FAM178B: variants seen among roughly 807,000 people sequenced by gnomAD.
FAM178B encodes protein FAM178B.
FAM178B carries 82 observed loss-of-function variants against 91.7 expected under a neutral mutation model. That is an observed-to-expected ratio of 0.89 (90% CI 0.75 to 1.07). FAM178B has a LOEUF of 1.07. Among genes scored for constraint, FAM178B ranks in the 50% least tolerant of loss-of-function variants. The pLI is 0.00. For synonymous variants in FAM178B, 368 were observed against 359.4 expected (o/e 1.02, Z -0.27); for missense variants, 769 against 846.7 (o/e 0.91, Z 1.14).
chr2:96,916,005 T>A (rs982730368), intron 12 of FAM178B, among the ~76,000 whole-genome samples: 1 of 152,164 alleles, frequency 6.6e-6, no homozygotes, highest in Non-Finnish European at 1.5e-5. Flanking sequence ...TGACATCATT[T>A]TTAGGTACCA....
At chr2:96,893,685 C>G (rs2080736629) in intron 14 of FAM178B, among the ~76,000 whole-genome samples, 1 of 152,090 alleles carries the variant, frequency 6.6e-6, no homozygotes, top group Admixed American at 6.5e-5. Flanking sequence ...GACATTTGGC[C>G]CCTACACCTG....
chr2:96,905,659 G>A (rs1168534928), intron 12 of FAM178B, among the ~76,000 whole-genome samples: 2 of 149,638 alleles, frequency 1.3e-5, no homozygotes, highest in South Asian at 2.1e-4. Context: ...CAGTTAAGTC[G>A]GGTGCGGTGG....
Position 96,951,492 on chromosome 2 carries a change from G to T in FAM178B, c.888-8C>A, listed in dbSNP as rs879473217. 1.9e-5 allele frequency: 29 copies of T among 1,549,462 alleles called. No individual in the cohort carries two copies. The Admixed American group carries it at 5.5e-4, about 29-fold the overall frequency. ...TGTTGGGCTGGCGGGGAGCTGGGAG[G>T]CAGAGGGCTGAGGTTAGGGGAGGCC... On this transcript the variant is annotated splice_region_variant and splice_polypyrimidine_tract_variant and intron_variant, in intron 6 of 16. Transcript: ENST00000490605.
At chr2:96,882,214 G>A (rs2153367410) in intron 14 of FAM178B, among the ~76,000 whole-genome samples, 2 of 152,320 alleles carry the variant, frequency 1.3e-5, no homozygotes, top group African/African-American at 4.8e-5. Flanking sequence ...CTCTCTCTGT[G>A]TGAAGGTCAG....
chr2:96,981,059 G>C (rs1298892980), intron 1 of FAM178B, among the ~76,000 whole-genome samples: 1 of 151,916 alleles, frequency 6.6e-6, no homozygotes, highest in Non-Finnish European at 1.5e-5. Flanking sequence ...GCAACCTCCC[G>C]GGTCCAAGTG....
At chr2:96,954,137 G>T (rs1559094350) in intron 6 of FAM178B, among the ~76,000 whole-genome samples, 1 of 152,214 alleles carries the variant, frequency 6.6e-6, no homozygotes, top group Non-Finnish European at 1.5e-5. Flanking sequence ...CCTGGAGGGA[G>T]AGACAGAGGG....
intron 12 of FAM178B, among the ~76,000 whole-genome samples, chr2:96,910,781 G>T (rs1238067720): frequency 1.3e-5 from 2 of 151,484 alleles, no homozygotes; most frequent in Non-Finnish European, 2.9e-5. Context: ...GCCCACCTGA[G>T]ACATCTCTCT....
At chr2:96,977,878 G>C in intron 1 of FAM178B, 1 of 432,070 alleles carries the variant, frequency 2.3e-6, no homozygotes, top group South Asian at 1.6e-5. Context: ...TGCTTCTCAA[G>C]ATCACGAAGC....
At chr2:96,953,008 A>G (rs1158305288) in intron 6 of FAM178B, among the ~76,000 whole-genome samples, 2 of 152,190 alleles carry the variant, frequency 1.3e-5, no homozygotes, top group Non-Finnish European at 2.9e-5. Context: ...TACAAAACAA[A>G]GATTATCCTC....
intron 5 of FAM178B, among the ~76,000 whole-genome samples, chr2:96,963,686 G>A (rs1054143485): frequency 3.9e-5 from 6 of 152,210 alleles, no homozygotes; most frequent in South Asian, 2.1e-4. Context: ...CCTGCAGGCC[G>A]AGTCCTGTGT....
In FAM178B at chr2:96,876,216, C is replaced by T. The variant is rs2080237487; in HGVS notation, c.*60G>A. 2 of 1,556,842 alleles carry T rather than the reference C, an allele frequency of 1.3e-6. No individual in the cohort carries two copies. Among genetic ancestry groups the T allele is most frequent in the Non-Finnish European group, 1.8e-6 (2 of 1,139,738 alleles). On this transcript the variant is annotated 3_prime_UTR_variant, in exon 17 of 17. Coordinates refer to ENST00000490605, the MANE Select transcript of FAM178B (RefSeq NM_001122646.3). ...CTTGATGCTTCGCTTCCTCCAGTTC[C>T]CTGAGCCTGTTCACTTCCTGCTGAA...
Position 96,972,063 on chromosome 2 carries a change from C to T in FAM178B, c.402G>A (p.Trp134Ter). 1 of 1,547,314 alleles carries T rather than the reference C, an allele frequency of 6.5e-7. No homozygotes were observed. The highest frequency in any genetic ancestry group is 8.7e-7 in the Non-Finnish European group (1 of 1,145,308). Residue 134 changes from tryptophan (W) to a stop codon, truncating the protein, a stop_gained, in exon 3 of 17, where the codon TGG becomes TGA. Transcript: ENST00000490605. LOFTEE classifies it high-confidence loss of function. ...GGCCCTGGGGGCCCACCACACCCAC[C>T]CACCTCTGGGCCGGGGCCTCCCGAC... ...QASREAPAQRWVGVVGPQGLR... is the reference protein window; with the variant it reads ...QASREAPAQR
At chr2:96,906,200 CTTTCTTTTTT>C (rs1456833657) in intron 12 of FAM178B, among the ~76,000 whole-genome samples, 2 of 143,502 alleles carry the variant, frequency 1.4e-5, no homozygotes, top group African/African-American at 5.1e-5. Flanking sequence ...TTTTCTTTTT[CTTTCTTTTTT>C]TTTTTTTTTG....
At chr2:96,903,865 T>TG in intron 12 of FAM178B, among the ~76,000 whole-genome samples, 1 of 152,312 alleles carries the variant, frequency 6.6e-6, no homozygotes, top group Non-Finnish European at 1.5e-5. Flanking sequence ...TCTAAAATCC[T>TG]GGGGCACTTT....
intron 1 of FAM178B, among the ~76,000 whole-genome samples, chr2:96,978,715 C>T (rs1459868063): frequency 1.3e-5 from 2 of 151,584 alleles, no homozygotes; most frequent in Admixed American, 6.6e-5. Flanking sequence ...AGCTCTGCCT[C>T]CCAGGTTCAC....
chr2:96,892,976 A>C (rs1211092098), intron 14 of FAM178B, among the ~76,000 whole-genome samples: 1 of 152,132 alleles, frequency 6.6e-6, no homozygotes, highest in African/African-American at 2.4e-5. Flanking sequence ...CTGAAAGACA[A>C]CCTTCCCCAC....
At position 96,972,211 on chromosome 2, in the gene FAM178B, G is replaced by A; in HGVS notation, c.254C>T (p.Pro85Leu). 6.5e-7 allele frequency: 1 copy of A among 1,543,550 alleles called. No homozygotes were observed. The highest frequency in any genetic ancestry group is 8.7e-7 in the Non-Finnish European group (1 of 1,143,666). ...CGATGTGGGAGCTGGAGCCGAGGCA[G>A]GGCTGCAGGGCCGCCGGGCAGGGCA... ...PRCPARRPCS[P>L]ASAPAPTSPK... The change falls in exon 3 of 17, where the codon CCT becomes CTT. Residue 85 changes from proline (P) to leucine (L), a missense_variant. Coordinates refer to ENST00000490605, the MANE Select transcript of FAM178B (RefSeq NM_001122646.3).
intron 5 of FAM178B, 83 bp from the exon 6 acceptor site, chr2:96,960,523 GA>G: frequency 1.4e-6 from 2 of 1,426,758 alleles, no homozygotes; most frequent in Non-Finnish European, 1.9e-6. Context: ...GGGAAGGATA[GA>G]GGGGGGCCAC....
At chr2:96,909,462 C>T (rs1323653576) in intron 12 of FAM178B, among the ~76,000 whole-genome samples, 1 of 152,204 alleles carries the variant, frequency 6.6e-6, no homozygotes, top group African/African-American at 2.4e-5. Context: ...GCCACATTCC[C>T]GTGGCTGCCC....
Sources: allele counts gnomAD v4.1 joint callset (sites outside exome capture counted in the v4.1 genomes callset), GRCh38; gene constraint gnomAD v4.1.1; transcripts MANE v1.5; gene names NCBI Gene and HGNC (gene_info 2026-07-23, HGNC 2026-07-21).